COL28A1: variants seen among roughly 807,000 people sequenced by gnomAD.
COL28A1 encodes the protein collagen type XXVIII alpha 1 chain.
In COL28A1, 161 loss-of-function variants were observed where a neutral mutation model predicts 150.2. That is an observed-to-expected ratio of 1.07 (90% CI 0.94 to 1.22). The LOEUF (loss-of-function observed/expected upper bound fraction) is 1.22, where lower values mean the gene tolerates loss of function less well. Ranked by LOEUF, COL28A1 falls within the 50% of genes most tolerant of loss-of-function variation. The pLI is 0.00. For missense variants in COL28A1, 1,617 were observed against 1,388.3 expected, an observed-to-expected ratio of 1.16 and a Z score of -2.62; for synonymous variants, 552 against 469.7, an observed-to-expected ratio of 1.18 and a Z score of -2.26.
intron 33 of COL28A1, among the ~76,000 whole-genome samples, chr7:7,366,592 A>T (rs1780943699): frequency 6.6e-6 from 1 of 152,234 alleles, no homozygotes; most frequent in Non-Finnish European, 1.5e-5. Context: ...GTTGTTACGC[A>T]GGGTTTTATG....
rs368269817 is a variant in COL28A1 at position 7,358,769 on chromosome 7, C to T, written c.3242G>A (p.Cys1081Tyr). ...RCLEALKPGN[C>Y]GEYVVRWYYD... is the part of the protein sequence containing the mutation. ...ATACCATCGAACCACATATTCACCA[C>T]AGTTTCCAGGCTTCAAGGCTTCCAA... Residue 1081 changes from cysteine (C) to tyrosine (Y), a missense_variant, in exon 35 of 35, where the codon TGT (cysteine) becomes TAT (tyrosine). Transcript: ENST00000399429. The T allele has an allele frequency of 9.9e-6, 16 of 1,613,852 alleles. No homozygotes were observed. Among genetic ancestry groups the T allele is most frequent in the African/African-American group, 2.7e-5 (2 of 74,886 alleles).
chr7:7,478,074 CAG>C (rs1185272662), intron 13 of COL28A1, among the ~76,000 whole-genome samples: 5 of 152,208 alleles, frequency 3.3e-5, no homozygotes, highest in African/African-American at 1.2e-4. Context: ...GAGCTAGACA[CAG>C]AGTGCCGATT....
intron 27 of COL28A1, 172 bp downstream of exon 27, chr7:7,417,687 C>T (rs1784179940): frequency 1.5e-6 from 1 of 661,194 alleles, no homozygotes; most frequent in Non-Finnish European, 2.7e-6. Flanking sequence ...AAGTATTGTA[C>T]TCATACCATT....
chr7:7,395,802 T>C (rs1327208204), intron 27 of COL28A1, among the ~76,000 whole-genome samples: 3 of 152,224 alleles, frequency 2.0e-5, no homozygotes, highest in African/African-American at 4.8e-5. Flanking sequence ...ATTTTACCAT[T>C]CTTTCCTCTA....
At chr7:7,374,024 TAAA>T (rs1188442971) in intron 31 of COL28A1, among the ~76,000 whole-genome samples, 4 of 116,328 alleles carry the variant, frequency 3.4e-5, no homozygotes, top group Admixed American at 3.4e-4. Context: ...ACTTGACTCT[TAAA>T]AAAAAAAAAA....
chr7:7,506,016 T>C lies in COL28A1; in HGVS notation c.1024A>G (p.Lys342Glu). 1 of 1,346,144 alleles carries C rather than the reference T, an allele frequency of 7.4e-7. No homozygotes were observed. The highest frequency in any genetic ancestry group is 1.1e-6 in the Non-Finnish European group (1 of 935,282). The allele number at this position is 1,346,144 out of a possible 1,614,324, so 83.4% of individuals were successfully genotyped here. A position where few individuals can be genotyped will look rare whatever the true frequency, so the allele number is the denominator to read the frequency against. Residue 342 changes from lysine (K) to glutamate (E), a missense_variant and splice_region_variant, in exon 11 of 35, where the codon AAG (lysine) becomes GAG (glutamate). Coordinates refer to ENST00000399429, the MANE Select transcript of COL28A1 (RefSeq NM_001037763.3). ...DPGPKGFQGN[K>E]GEPGPPGPYG... ...CTTTAATCAAAGGGTAAGATTACCT[T>C]ATTGCCTTGAAACCCCTTTGGGCCT...
Position 7,453,448 on chromosome 7 carries a change from C to A in COL28A1, c.1432G>T (p.Gly478Cys). 8.2e-7 allele frequency: 1 copy of A among 1,212,860 alleles called. No individual in the cohort carries two copies. Among genetic ancestry groups the A allele is most frequent in the Non-Finnish European group, 1.2e-6 (1 of 813,932 alleles). The allele number at this position is 1,212,860 out of a possible 1,614,324, so 75.1% of individuals were successfully genotyped here. A position where few individuals can be genotyped will look rare whatever the true frequency, so the allele number is the denominator to read the frequency against. The change falls in exon 17 of 35, where the codon GGT (glycine) becomes TGT (cysteine). Residue 478 changes from glycine to cysteine, a missense_variant. Coordinates refer to ENST00000399429, the MANE Select transcript of COL28A1 (RefSeq NM_001037763.3). ...CTCATTTACAAAGTTACCTTGGAAC[C>A]AGGTAAGCCCTGTCCTGCGGGCCCT... is the stretch of plus-strand genomic sequence containing the variant. Reference protein sequence around the residue: ...PQGPAGQGLPGSKGEVGQMGP... With the variant: ...PQGPAGQGLPCSKGEVGQMGP...
chr7:7,452,932 A>G (rs570193738), intron 17 of COL28A1, among the ~76,000 whole-genome samples: 4 of 152,344 alleles, frequency 2.6e-5, no homozygotes, highest in African/African-American at 9.6e-5. Flanking sequence ...CTTAGAAGCA[A>G]TATTAAGGAT....
At chr7:7,459,111 T>C (rs1252972806) in intron 15 of COL28A1, among the ~76,000 whole-genome samples, 1 of 152,214 alleles carries the variant, frequency 6.6e-6, no homozygotes, top group East Asian at 1.9e-4. Context: ...AGCTTTGCTA[T>C]GTAATAATAT....
At chr7:7,356,731 A>G (rs1459193615), downstream of COL28A1, 1 of 152,094 alleles carries the variant, frequency 6.6e-6, no homozygotes, top group African/African-American at 2.4e-5. Flanking sequence ...GCATTAGGAA[A>G]TATACCTAAT....
chr7:7,428,477 C>T (rs574346718), intron 25 of COL28A1, among the ~76,000 whole-genome samples: 1 of 152,318 alleles, frequency 6.6e-6, no homozygotes, highest in East Asian at 1.9e-4. Context: ...GAAATCAGAC[C>T]TTATGCTACA....
chr7:7,523,789 A>G (rs1781873646), intron 4 of COL28A1, among the ~76,000 whole-genome samples: 1 of 152,110 alleles, frequency 6.6e-6, no homozygotes, highest in African/African-American at 2.4e-5. Flanking sequence ...AATAAGGAGA[A>G]TGAGCTCAAA....
intron 6 of COL28A1, 147 bp from the exon 7 acceptor site, chr7:7,517,984 A>T: frequency 3.6e-5 from 26 of 722,430 alleles, no homozygotes; most frequent in Middle Eastern, 3.3e-4. Flanking sequence ...TATGCAATCT[A>T]GGCAAAAAAA....
intron 8 of COL28A1, among the ~76,000 whole-genome samples, chr7:7,514,359 C>G (rs935596720): frequency 6.6e-6 from 1 of 152,204 alleles, no homozygotes; most frequent in Non-Finnish European, 1.5e-5. Flanking sequence ...TCCAACCACT[C>G]TGTAAATTAG....
In COL28A1 at chr7:7,511,096, C is replaced by G. The variant is rs764046938; in HGVS notation, c.922G>C (p.Asp308His). Residue 308 changes from aspartate (D) to histidine (H), a missense_variant, in exon 9 of 35, where the codon GAC (aspartate) becomes CAC (histidine). Transcript: ENST00000399429. ...TTTAAAAACATGTTCCTTACCTTGT[C>G]ACCTTTTATCCCTGGTTTACCACAT... The part of the protein sequence containing the change: ...GECGKPGIKG[D>H]KGSPGPYGPK... 1.7e-5 allele frequency: 27 copies of G among 1,613,118 alleles called. No individual in the cohort carries two copies. Among genetic ancestry groups the G allele is most frequent in the Non-Finnish European group, 2.2e-5 (26 of 1,179,320 alleles).
chr7:7,461,412 C>A (rs927598711), intron 15 of COL28A1, among the ~76,000 whole-genome samples: 1 of 152,172 alleles, frequency 6.6e-6, no homozygotes, highest in Admixed American at 6.5e-5. Flanking sequence ...GGGCGTGAAT[C>A]CAGTGTGCAG....
chr7:7,510,557 T>C (rs1001502859), intron 9 of COL28A1, among the ~76,000 whole-genome samples: 2 of 152,246 alleles, frequency 1.3e-5, no homozygotes, highest in African/African-American at 4.8e-5. Context: ...AGTGCTGGGA[T>C]TACAGGTGTT....
At chr7:7,388,975 T>G (rs1370945201) in intron 27 of COL28A1, among the ~76,000 whole-genome samples, 1 of 152,248 alleles carries the variant, frequency 6.6e-6, no homozygotes, top group African/African-American at 2.4e-5. Flanking sequence ...TAGTTTCTTT[T>G]GCTGTGCAGA....
At chr7:7,363,854 C>G (rs570776513) in intron 33 of COL28A1, among the ~76,000 whole-genome samples, 32 of 152,168 alleles carry the variant, frequency 2.1e-4, no homozygotes, top group Admixed American at 1.4e-3. Flanking sequence ...GATCTCGGCT[C>G]ACTGCAACCT....
Sources: allele counts gnomAD v4.1 joint callset (sites outside exome capture counted in the v4.1 genomes callset), GRCh38; gene constraint gnomAD v4.1.1; transcripts MANE v1.5; gene names NCBI Gene and HGNC (gene_info 2026-07-23, HGNC 2026-07-21).